Variants in DLG2 observed in about 807,000 individuals in gnomAD.
DLG2 encodes the protein disks large homolog 2.
A neutral mutation model predicts 132.5 loss-of-function variants in DLG2; 45 were observed. The observed-to-expected ratio is 0.34, with a 90% CI of 0.27 to 0.44. The LOEUF (loss-of-function observed/expected upper bound fraction) is 0.44. Ranked by LOEUF, DLG2 falls within the 20% of genes least tolerant of loss-of-function variation. The pLI is 1.00. For synonymous variants in DLG2, 424 were observed against 419.6 expected, an observed-to-expected ratio of 1.01 and a Z score of -0.13; for missense variants, 1,045 against 1,196.9, an observed-to-expected ratio of 0.87 and a Z score of 1.87.
In DLG2 at chr11:83,730,145, G is replaced by GT. The variant is rs2090739546; in HGVS notation, c.1825+56544_1825+56545insA. On this transcript the variant is annotated intron_variant, in intron 18 of 27. Coordinates refer to ENST00000376104, the MANE Select transcript of DLG2 (RefSeq NM_001142699.3). ...CATTTCCTTCTAGGTGTTTTTTTAT[G>GT]GTTTTTTTTTTTTTTTTTTTTTACA... Among the ~76,000 whole-genome samples the GT allele has an allele frequency of 2.2e-3, 259 of 118,906 alleles. 2 individuals carry two copies. The highest frequency in any genetic ancestry group is 0.01 in the South Asian group (40 of 3,862). The allele number at this position is 118,906 out of a possible 152,430, so 78.0% of individuals were successfully genotyped here.
chr11:84,839,241 C>A (rs1477510788), intron 6 of DLG2, among the ~76,000 whole-genome samples: 1 of 152,072 alleles, frequency 6.6e-6, no homozygotes, highest in Non-Finnish European at 1.5e-5. Context: ...TTCCCATTCA[C>A]AATTGCTGCA....
chr11:84,400,889 C>T (rs1173288767), intron 7 of DLG2, among the ~76,000 whole-genome samples: 1 of 151,982 alleles, frequency 6.6e-6, no homozygotes, highest in Non-Finnish European at 1.5e-5. Context: ...TACTAACTTT[C>T]CCTCTACCCT....
At chr11:83,460,068 C>A in intron 27 of DLG2, 144 bp from the exon 28 acceptor site, 1 of 557,326 alleles carries the variant, frequency 1.8e-6, no homozygotes, top group Admixed American at 3.1e-5. Flanking sequence ...TAAGAAGAAG[C>A]AGAAAATTCA....
At chr11:84,446,295 T>C (rs192223352) in intron 7 of DLG2, among the ~76,000 whole-genome samples, 1 of 152,282 alleles carries the variant, frequency 6.6e-6, no homozygotes, top group Admixed American at 6.5e-5. Context: ...ATCATGATTT[T>C]AATTTAACAC....
chr11:84,659,583 G>C (rs1363237064), intron 6 of DLG2, among the ~76,000 whole-genome samples: 3 of 152,164 alleles, frequency 2.0e-5, no homozygotes, highest in Non-Finnish European at 2.9e-5. Flanking sequence ...AGAATAAAAA[G>C]GGTGAAATCA....
chr11:85,506,020 G>A (rs1442421031), intron 3 of DLG2, among the ~76,000 whole-genome samples: 1 of 152,164 alleles, frequency 6.6e-6, no homozygotes, highest in Non-Finnish European at 1.5e-5. Context: ...GGTGTTTATA[G>A]TATTCTCTGA....
intron 7 of DLG2, among the ~76,000 whole-genome samples, chr11:84,519,011 T>C (rs1004773591): frequency 1.3e-5 from 2 of 152,150 alleles, no homozygotes; most frequent in Admixed American, 6.6e-5. Flanking sequence ...ATTAAGCTAA[T>C]TGAGTTGGAG....
intron 3 of DLG2, among the ~76,000 whole-genome samples, chr11:85,448,275 T>C (rs2092096686): frequency 6.6e-6 from 1 of 152,206 alleles, no homozygotes; most frequent in Non-Finnish European, 1.5e-5. Context: ...AAGTTTACCA[T>C]TTCCTGGAAA....
At chr11:85,002,866 T>C (rs1052777307) in intron 6 of DLG2, among the ~76,000 whole-genome samples, 14 of 151,992 alleles carry the variant, frequency 9.2e-5, no homozygotes, top group African/African-American at 3.1e-4. Context: ...AATGTGAATA[T>C]GACAGGGATG....
chr11:83,740,356 A>G (rs1199522101), intron 18 of DLG2, among the ~76,000 whole-genome samples: 1 of 152,220 alleles, frequency 6.6e-6, no homozygotes, highest in African/African-American at 2.4e-5. Flanking sequence ...ATCCAATGAC[A>G]TGGATGATCT....
At chr11:84,358,924 C>T (rs1384145688) in intron 7 of DLG2, among the ~76,000 whole-genome samples, 2 of 151,862 alleles carry the variant, frequency 1.3e-5, no homozygotes, top group East Asian at 3.9e-4. Context: ...AATAAAAAAG[C>T]TGAGATTTCA....
At chr11:83,669,499 C>A (rs899430015) in intron 18 of DLG2, among the ~76,000 whole-genome samples, 15 of 152,140 alleles carry the variant, frequency 9.9e-5, no homozygotes, top group Non-Finnish European at 8.8e-5. Flanking sequence ...TTAAGGCTCA[C>A]AAAAGAATAC....
At chr11:83,901,589 T>C (rs1244103060) in intron 15 of DLG2, among the ~76,000 whole-genome samples, 1 of 152,212 alleles carries the variant, frequency 6.6e-6, no homozygotes, top group Non-Finnish European at 1.5e-5. Flanking sequence ...CCTTCTGCCA[T>C]GATTGTGAGG....
At chr11:84,709,037 A>T (rs1175982044) in intron 6 of DLG2, among the ~76,000 whole-genome samples, 1 of 151,918 alleles carries the variant, frequency 6.6e-6, no homozygotes, top group African/African-American at 2.4e-5. Flanking sequence ...CACACACATT[A>T]CTGAATCTGT....
chr11:85,608,773 G>T (rs551325582), intron 2 of DLG2, among the ~76,000 whole-genome samples: 1 of 152,284 alleles, frequency 6.6e-6, no homozygotes, highest in South Asian at 2.1e-4. Flanking sequence ...GGCAGACCTG[G>T]TGAAGTTTTC....
chr11:85,233,311 A>T, intron 4 of DLG2, among the ~76,000 whole-genome samples: 1 of 151,428 alleles, frequency 6.6e-6, no homozygotes, highest in Non-Finnish European at 1.5e-5. Context: ...AAAATTGATC[A>T]CTCTCTCTTC....
At chr11:83,539,949 G>T (rs1487337754) in intron 20 of DLG2, among the ~76,000 whole-genome samples, 1 of 152,128 alleles carries the variant, frequency 6.6e-6, no homozygotes, top group Non-Finnish European at 1.5e-5. Flanking sequence ...AGAACCTCAG[G>T]GTTGGAAAGA....
rs529476969 is a variant in DLG2, at chr11:83,885,231, C to T, written c.1497-10743G>A. ...TTAGACGAATGTATAACTAGAATAA[C>T]CAATACAGAGAAGTGCTTAAAGGAG... On this transcript the variant is annotated intron_variant, in intron 15 of 27. Transcript: ENST00000376104. Among the ~76,000 whole-genome samples, 345 of 152,168 alleles carry T rather than the reference C, an allele frequency of 2.3e-3. 1 individual carries two copies. Among genetic ancestry groups the T allele is most frequent in the African/African-American group, 7.4e-3 (307 of 41,508 alleles).
intron 6 of DLG2, among the ~76,000 whole-genome samples, chr11:85,072,810 C>T (rs776282709): frequency 6.6e-6 from 1 of 151,768 alleles, no homozygotes; most frequent in Non-Finnish European, 1.5e-5. Context: ...TCGGTAAATG[C>T]CATCTACAAA....
Sources: allele counts gnomAD v4.1 joint callset (sites outside exome capture counted in the v4.1 genomes callset), GRCh38; gene constraint gnomAD v4.1.1; transcripts MANE v1.5; gene names NCBI Gene and HGNC (gene_info 2026-07-23, HGNC 2026-07-21).